The following ARHGEF10 variants were observed in gnomAD, a reference collection of about 807,000 sequenced individuals.
ARHGEF10 encodes the protein Rho guanine nucleotide exchange factor 10.
ARHGEF10 carries 140 observed loss-of-function variants against 147.4 expected under a neutral mutation model. The ratio of observed to expected loss-of-function variants is 0.95; its 90% CI spans 0.83 to 1.09. The LOEUF is 1.09. Ranked by LOEUF, ARHGEF10 falls within the 50% of genes least tolerant of loss-of-function variation. The probability of loss-of-function intolerance (pLI) is 0.00; values close to 1 mark genes in which losing one functional copy is unlikely to be tolerated. For missense variants in ARHGEF10, 2,222 were observed against 1,752.7 expected, an observed-to-expected ratio of 1.27 and a Z score of -4.78; for synonymous variants, 902 against 695.8, an observed-to-expected ratio of 1.30 and a Z score of -4.67.
At position 1,862,775 on chromosome 8, in the gene ARHGEF10, CTTT is replaced by C. The variant is rs10594929; in HGVS notation, c.482-1579_482-1577del. 3.4e-3 allele frequency among the ~76,000 whole-genome samples: 404 copies of C among 120,462 alleles called. 6 individuals are homozygous for C. In the East Asian group the frequency reaches 0.054, roughly 16 times the overall value. The allele number at this position is 120,462 out of a possible 152,430, so 79.0% of individuals were successfully genotyped here. A position where few individuals can be genotyped will look rare whatever the true frequency, so the allele number is the denominator to read the frequency against. ...TGTTTCTTTTCCTTTTTTTCTTCTT[CTTT>C]TTTTTTTTTTTTTTTTTTGAGACAG... On this transcript the variant is annotated intron_variant, in intron 4 of 28. Coordinates refer to ENST00000349830, the MANE Select transcript of ARHGEF10 (RefSeq NM_014629.4).
chr8:1,827,916 G>A lies in ARHGEF10; in HGVS notation c.-48+3803G>A, dbSNP rs1349947960. On this transcript the variant is annotated intron_variant, in intron 1 of 28. Transcript: ENST00000349830. ...GAGGGAGCGATGGGGAAGCATGCAG[G>A]TTGTTAACAGGCACATGTAGAGATG... 2.0e-5 allele frequency among the ~76,000 whole-genome samples: 3 copies of A among 152,204 alleles called. No individual in the cohort carries two copies. The East Asian group carries it at 5.8e-4, about 29-fold the overall frequency.
At position 1,945,611 on chromosome 8, in the gene ARHGEF10, T is replaced by G. The variant is rs776295035; in HGVS notation, c.3353T>G (p.Leu1118Arg). The change falls in exon 27 of 29, where the codon CTG (leucine) becomes CGG (arginine). Residue 1118 changes from leucine (L) to arginine (R), a missense_variant. Transcript: ENST00000349830. ...TTTCACACGGAAACTCTCAAGCACCTGCAGGACATCAACATCGCCACCCCT... is the reference window on the plus strand; with the variant it reads ...TTTCACACGGAAACTCTCAAGCACCGGCAGGACATCAACATCGCCACCCCT... ...RLFHTETLKH[L>R]QDINIATPVH... 5.0e-6 allele frequency: 8 copies of G among 1,614,204 alleles called. No individual in the cohort carries two copies. The highest frequency in any genetic ancestry group is 6.8e-6 in the Non-Finnish European group (8 of 1,180,022).
chr8:1,859,920 G>C lies in ARHGEF10; in HGVS notation c.217G>C (p.Glu73Gln). ...PTGGEDGAGA[E>Q]TTPVAEPTKL... ...AGGAGGTGAGGATGGAGCTGGAGCA[G>C]AAACCACCCCAGTGGCAGAGCCTAC... Residue 73 changes from glutamate (E) to glutamine (Q), a missense_variant, in exon 4 of 29, where the codon GAA becomes CAA. Physicochemically the swap from Glu to Gln is conservative, Grantham distance 29. Transcript: ENST00000349830. The C allele has an allele frequency of 6.2e-7, 1 of 1,614,170 alleles. No individual in the cohort carries two copies. Among genetic ancestry groups the C allele is most frequent in the Non-Finnish European group, 8.5e-7 (1 of 1,180,026 alleles).
In ARHGEF10 at chr8:1,823,999, C is replaced by CGCGGGGGACGCGGGGGACGGCGGGGGACG. The variant is rs1563137232; in HGVS notation, c.-152_-151insCGGGGGACGGCGGGGGACGGCGGGGGACG. ...ACGGGGTCGCGGGGGACGCGGGGGACGCGGGGGACGGCGGGGAACGGCGGG... is the reference window on the plus strand; with the variant it reads ...ACGGGGTCGCGGGGGACGCGGGGGACGCGGGGGACGCGGGGGACGGCGGGGGACGGCGGGGGACGGCGGGGAACGGCGGG... On this transcript the variant is annotated 5_prime_UTR_variant, in exon 1 of 29. Transcript: ENST00000349830. 4 of 79,390 alleles carry CGCGGGGGACGCGGGGGACGGCGGGGGACG rather than the reference C, an allele frequency of 5.0e-5. No individual in the cohort carries two copies. Among genetic ancestry groups the CGCGGGGGACGCGGGGGACGGCGGGGGACG allele is most frequent in the South Asian group, 5.4e-4 (1 of 1,840 alleles). The allele number at this position is 79,390 out of a possible 1,614,324, so 4.9% of individuals were successfully genotyped here. A position where few individuals can be genotyped will look rare whatever the true frequency, so the allele number is the denominator to read the frequency against.
In ARHGEF10 at chr8:1,957,471, C is replaced by A; in HGVS notation, c.*208C>A. Reference sequence around the variant, plus strand: ...ACAGCAGAAGTAATTACAAGCACTTCTCACGAAGGCAGAAGACTGATGCAA... The same window carrying A: ...ACAGCAGAAGTAATTACAAGCACTTATCACGAAGGCAGAAGACTGATGCAA... On this transcript the variant is annotated 3_prime_UTR_variant, in exon 29 of 29. Coordinates refer to ENST00000349830, the MANE Select transcript of ARHGEF10 (RefSeq NM_014629.4). The A allele has an allele frequency of 1.4e-6, 1 of 720,356 alleles. No individual in the cohort carries two copies. The highest frequency in any genetic ancestry group is 2.2e-6 in the Non-Finnish European group (1 of 447,138). The allele number at this position is 720,356 out of a possible 1,614,324, so 44.6% of individuals were successfully genotyped here.
At chr8:1,845,598 G>C (rs1804495122) in intron 2 of ARHGEF10, among the ~76,000 whole-genome samples, 1 of 152,196 alleles carries the variant, frequency 6.6e-6, no homozygotes, top group South Asian at 2.1e-4. Flanking sequence ...CTTTCACCCT[G>C]TTTTGCCCTC....
chr8:1,944,547 G>C (rs1053817609), intron 26 of ARHGEF10, among the ~76,000 whole-genome samples: 1 of 152,234 alleles, frequency 6.6e-6, no homozygotes, highest in Non-Finnish European at 1.5e-5. Flanking sequence ...CTCCACCATG[G>C]GGGCTGTCGT....
At chr8:1,898,628 GCCT>G in intron 15 of ARHGEF10, 103 bp downstream of exon 15, 1 of 1,167,526 alleles carries the variant, frequency 8.6e-7, no homozygotes, top group Non-Finnish European at 1.3e-6. Flanking sequence ...TGCCCCTCGG[GCCT>G]CCTCATCTCC....
rs1040966699 is a variant in ARHGEF10, at chr8:1,882,561, T to C, written c.961-74T>C. The C allele has an allele frequency of 5.6e-6, 7 of 1,239,582 alleles. No individual in the cohort carries two copies. In the Admixed American group the frequency reaches 7.9e-5, roughly 14 times the overall value. The allele number at this position is 1,239,582 out of a possible 1,614,324, so 76.8% of individuals were successfully genotyped here. On this transcript the variant is annotated intron_variant, in intron 9 of 28. Transcript: ENST00000349830. ...GAACCAGACTACTTGACAGTATTCT[T>C]TTAAAACAGGCAAATGAAAGTCGCA... is the stretch of plus-strand genomic sequence containing the variant.
chr8:1,848,679 C>G (rs2129056643), intron 2 of ARHGEF10, among the ~76,000 whole-genome samples: 1 of 152,170 alleles, frequency 6.6e-6, no homozygotes, highest in Non-Finnish European at 1.5e-5. Context: ...AGAATAAAAA[C>G]TAAAATATAG....
chr8:1,911,535 C>T (rs554222526), intron 18 of ARHGEF10, among the ~76,000 whole-genome samples: 20 of 152,166 alleles, frequency 1.3e-4, no homozygotes, highest in African/African-American at 4.3e-4. Flanking sequence ...GGCTTTTTTC[C>T]GGCGTCAGGT....
At chr8:1,833,678 C>A (rs1476516758) in intron 1 of ARHGEF10, among the ~76,000 whole-genome samples, 1 of 152,238 alleles carries the variant, frequency 6.6e-6, no homozygotes, top group Non-Finnish European at 1.5e-5. Flanking sequence ...AGTCCCCAGG[C>A]CGCTGCTGCC....
chr8:1,905,031 A>G (rs1810771487), intron 16 of ARHGEF10, among the ~76,000 whole-genome samples: 1 of 152,194 alleles, frequency 6.6e-6, no homozygotes, highest in Non-Finnish European at 1.5e-5. Flanking sequence ...CGAGAGGCTG[A>G]GGCACGAGAA....
At chr8:1,844,393 T>TGGACGACAG (rs1412406812) in intron 2 of ARHGEF10, among the ~76,000 whole-genome samples, 1 of 152,034 alleles carries the variant, frequency 6.6e-6, no homozygotes, top group African/African-American at 2.4e-5. Context: ...CGGGGCCTGG[T>TGGACGACAG]AGATGACAGA....
chr8:1,886,825 G>T (rs1430805899), intron 11 of ARHGEF10, among the ~76,000 whole-genome samples: 1 of 152,190 alleles, frequency 6.6e-6, no homozygotes, highest in Non-Finnish European at 1.5e-5. Context: ...ATGCGAGGAA[G>T]GGGTCGTGTC....
chr8:1,904,658 G>A (rs1009298753), intron 16 of ARHGEF10, among the ~76,000 whole-genome samples: 25 of 152,174 alleles, frequency 1.6e-4, no homozygotes, highest in African/African-American at 5.3e-4. Context: ...ATGATGCTTC[G>A]CACTGAATGT....
chr8:1,933,977 A>G (rs1283202555), intron 26 of ARHGEF10, 35 bp downstream of exon 26: 2 of 1,614,066 alleles, frequency 1.2e-6, no homozygotes, highest in Non-Finnish European at 1.7e-6. Context: ...GTGTGGAAAA[A>G]ATGCATTTCA....
intron 14 of ARHGEF10, among the ~76,000 whole-genome samples, chr8:1,897,689 T>C (rs534274142): frequency 8.5e-5 from 13 of 152,226 alleles, no homozygotes; most frequent in Non-Finnish European, 1.6e-4. Flanking sequence ...GAACCATCTC[T>C]TTCTTTTGGG....
chr8:1,879,998 G>C, intron 8 of ARHGEF10, 50 bp from the exon 9 acceptor site: 1 of 1,321,780 alleles, frequency 7.6e-7, no homozygotes, highest in Non-Finnish European at 1.1e-6. Flanking sequence ...TTGTCCCAAA[G>C]AACCAAAAAG....
Sources: allele counts gnomAD v4.1 joint callset (sites outside exome capture counted in the v4.1 genomes callset), GRCh38; gene constraint gnomAD v4.1.1; transcripts MANE v1.5; gene names NCBI Gene and HGNC (gene_info 2026-07-23, HGNC 2026-07-21).